CFHR2: variants seen among roughly 807,000 people sequenced by gnomAD.
CFHR2 encodes the protein complement factor H-related protein 2.
CFHR2 carries 22 observed loss-of-function variants against 21.7 expected under a neutral mutation model. The ratio of observed to expected loss-of-function variants is 1.01; its 90% CI spans 0.72 to 1.45. The LOEUF (loss-of-function observed/expected upper bound fraction) is 1.45. Ranked by LOEUF, CFHR2 falls within the 40% of genes most tolerant of loss-of-function variation. The pLI is 0.00. For missense variants in CFHR2, 294 were observed against 293.3 expected (o/e 1.00, Z -0.02); for synonymous variants, 98 against 97.4 (o/e 1.01, Z -0.04).
At chr1:196,946,812 T>C (rs1571481778) in intron 1 of CFHR2, among the ~76,000 whole-genome samples, 3 of 152,230 alleles carry the variant, frequency 2.0e-5, no homozygotes, top group Admixed American at 6.5e-5. Flanking sequence ...AGAAGTTAAC[T>C]ATAAAATACT....
At chr1:196,958,309 T>C (rs537019159) in intron 4 of CFHR2, among the ~76,000 whole-genome samples, 1 of 152,180 alleles carries the variant, frequency 6.6e-6, no homozygotes, top group South Asian at 2.1e-4. Flanking sequence ...TTCTACAACA[T>C]GTTGATTTGA....
intron 1 of CFHR2, among the ~76,000 whole-genome samples, chr1:196,948,919 A>G (rs1659620316): frequency 6.6e-6 from 1 of 152,174 alleles, no homozygotes; most frequent in Non-Finnish European, 1.5e-5. Context: ...TTCCACTGAA[A>G]CTATATTAAC....
chr1:196,951,195 A>G (rs1411916559), intron 3 of CFHR2, among the ~76,000 whole-genome samples, 167 bp downstream of exon 3: 1 of 152,240 alleles, frequency 6.6e-6, no homozygotes, highest in Non-Finnish European at 1.5e-5. Flanking sequence ...GTGCAATAAT[A>G]TAGTTTGCCT....
rs538118899 is a variant in CFHR2 at position 196,950,982 on chromosome 1, A to G, written c.384A>G (p.Ser128=). 13 of 1,613,944 alleles carry G rather than the reference A, an allele frequency of 8.1e-6. No homozygotes were observed. In the Admixed American group the frequency reaches 1.8e-4, roughly 23 times the overall value. ...TTCAAAACAATGAGAACAACATTTC[A>G]TGTGTAGAACGGGGCTGGTCCACTC... The part of the protein sequence containing the change: ...YRLQNNENNI[S]CVERGWSTPP... Residue 128 remains serine (S), a synonymous_variant, in exon 3 of 5, where the codon TCA becomes TCG. Coordinates refer to ENST00000367415, the MANE Select transcript of CFHR2 (RefSeq NM_005666.4).
intron 1 of CFHR2, among the ~76,000 whole-genome samples, chr1:196,947,903 G>A (rs558217726): frequency 3.3e-5 from 5 of 152,182 alleles, no homozygotes; most frequent in East Asian, 3.9e-4. Flanking sequence ...TTATGCATGT[G>A]GTAGGGAAGA....
At chr1:196,958,799 T>C (rs1653001027) in intron 4 of CFHR2, 82 bp from the exon 5 acceptor site, 5 of 855,016 alleles carry the variant, frequency 5.8e-6, no homozygotes, top group South Asian at 3.4e-5. Flanking sequence ...TCAACCATCA[T>C]ATAACATTCT....
rs888826733 is a variant in CFHR2 at position 196,959,144 on chromosome 1, T to C, written c.*64T>C. 2 of 1,168,602 alleles carry C rather than the reference T, an allele frequency of 1.7e-6. No individual in the cohort carries two copies. Among genetic ancestry groups the C allele is most frequent in the Non-Finnish European group, 2.4e-6 (2 of 823,350 alleles). The allele number at this position is 1,168,602 out of a possible 1,614,324, so 72.4% of individuals were successfully genotyped here. ...TCTGAATTTACTATTATATTTGTTTTCAATTTCATTTTTCAAGTACTGTTT... is the reference window on the plus strand; with the variant it reads ...TCTGAATTTACTATTATATTTGTTTCCAATTTCATTTTTCAAGTACTGTTT... On this transcript the variant is annotated 3_prime_UTR_variant, in exon 5 of 5. Transcript: ENST00000367415.
intron 2 of CFHR2, among the ~76,000 whole-genome samples, chr1:196,950,264 C>T (rs773647479): frequency 2.6e-5 from 4 of 152,028 alleles, no homozygotes; most frequent in East Asian, 3.9e-4. Flanking sequence ...GTTCTTTTGT[C>T]CCTAAAAGAG....
intron 1 of CFHR2, among the ~76,000 whole-genome samples, chr1:196,948,857 C>A (rs902747877): frequency 6.6e-6 from 1 of 152,072 alleles, no homozygotes; most frequent in Non-Finnish European, 1.5e-5. Flanking sequence ...GAATTTAGCT[C>A]TAACTTTATC....
At position 196,959,158 on chromosome 1, in the gene CFHR2, C is replaced by A; in HGVS notation, c.*78C>A. On this transcript the variant is annotated 3_prime_UTR_variant, in exon 5 of 5. Transcript: ENST00000367415. ...TATATTTGTTTTCAATTTCATTTTT[C>A]AAGTACTGTTTTACTCATTTTTATT... 1.9e-6 allele frequency: 2 copies of A among 1,052,846 alleles called. No homozygotes were observed. Among genetic ancestry groups the A allele is most frequent in the Non-Finnish European group, 1.4e-6 (1 of 729,372 alleles). The allele number at this position is 1,052,846 out of a possible 1,614,324, so 65.2% of individuals were successfully genotyped here.
chr1:196,952,128 G>C (rs1659751278), intron 3 of CFHR2, among the ~76,000 whole-genome samples: 1 of 152,062 alleles, frequency 6.6e-6, no homozygotes, highest in African/African-American at 2.4e-5. Context: ...TAAACCTCTA[G>C]AGCAGGGCAC....
At chr1:196,957,327 T>C (rs937751916) in intron 3 of CFHR2, among the ~76,000 whole-genome samples, 2 of 145,722 alleles carry the variant, frequency 1.4e-5, no homozygotes, top group Non-Finnish European at 3.0e-5. Flanking sequence ...TCTTTCAGAG[T>C]CTTTTTATGT....
chr1:196,957,126 G>T (rs939775262), intron 3 of CFHR2, among the ~76,000 whole-genome samples: 1 of 151,976 alleles, frequency 6.6e-6, no homozygotes, highest in Admixed American at 6.6e-5. Flanking sequence ...TCTTTTCCTG[G>T]GCTTTTGGGT....
chr1:196,948,339 G>A (rs1275820694), intron 1 of CFHR2, among the ~76,000 whole-genome samples: 2 of 152,054 alleles, frequency 1.3e-5, no homozygotes, highest in African/African-American at 4.8e-5. Flanking sequence ...TTAGTGGCAT[G>A]ATCTCGGCTC....
chr1:196,958,508 C>T, intron 4 of CFHR2, among the ~76,000 whole-genome samples: 1 of 151,766 alleles, frequency 6.6e-6, no homozygotes, highest in East Asian at 1.9e-4. Flanking sequence ...CTATTAATGT[C>T]ATTACATTTC....
At position 196,948,998 on chromosome 1, in the gene CFHR2, TCTGCAC is replaced by T. The variant is rs1451044992; in HGVS notation, c.59-455_59-450del. 2.6e-5 allele frequency among the ~76,000 whole-genome samples: 4 copies of T among 152,220 alleles called. No homozygotes were observed. In the South Asian group the frequency reaches 6.2e-4, roughly 24 times the overall value. ...ACAAAACTAACTACCCAACATCTTT[TCTGCAC>T]CAGAAAAAAAATAGGACAGAGTTTC... On this transcript the variant is annotated intron_variant, in intron 1 of 4. Coordinates refer to ENST00000367415, the MANE Select transcript of CFHR2 (RefSeq NM_005666.4).
At chr1:196,954,249 T>C (rs887496156) in intron 3 of CFHR2, among the ~76,000 whole-genome samples, 9 of 152,190 alleles carry the variant, frequency 5.9e-5, no homozygotes, top group African/African-American at 2.2e-4. Context: ...AGGGCACTCC[T>C]TAAATCTTAA....
At chr1:196,957,722 A>C (rs990519369) in intron 3 of CFHR2, among the ~76,000 whole-genome samples, 169 bp from the exon 4 acceptor site, 3 of 152,174 alleles carry the variant, frequency 2.0e-5, no homozygotes, top group Admixed American at 1.3e-4. Context: ...GGAGAAAAGA[A>C]CTGAAAATTT....
At chr1:196,950,719 C>A in intron 2 of CFHR2, 133 bp from the exon 3 acceptor site, 1 of 961,622 alleles carries the variant, frequency 1.0e-6, no homozygotes, top group South Asian at 1.6e-5. Context: ...ATGATCCACT[C>A]ACCTCAGCCT....
Sources: allele counts gnomAD v4.1 joint callset (sites outside exome capture counted in the v4.1 genomes callset), GRCh38; gene constraint gnomAD v4.1.1; transcripts MANE v1.5; gene names NCBI Gene and HGNC (gene_info 2026-07-23, HGNC 2026-07-21).